Variants in SPTAN1 observed in about 807,000 individuals in gnomAD.
SPTAN1 encodes spectrin alpha, non-erythrocytic 1.
SPTAN1 carries 61 observed loss-of-function variants against 331.3 expected under a neutral mutation model. The ratio of observed to expected loss-of-function variants is 0.18; its 90% CI spans 0.15 to 0.23. The LOEUF (loss-of-function observed/expected upper bound fraction) is 0.23. Among genes scored for constraint, SPTAN1 ranks in the 10% least tolerant of loss-of-function variants. SPTAN1 has a pLI of 1.00. For missense variants in SPTAN1, 2,043 were observed against 3,147.9 expected, an observed-to-expected ratio of 0.65 and a Z score of 8.40; for synonymous variants, 1,153 against 1,173.9, an observed-to-expected ratio of 0.98 and a Z score of 0.36.
chr9:128,597,279 A>G (rs2131413353), intron 24 of SPTAN1, among the ~76,000 whole-genome samples: 1 of 152,236 alleles, frequency 6.6e-6, no homozygotes. Context: ...CCTGGGATTA[A>G]AGGTGTGAGC....
Position 128,575,367 on chromosome 9 carries a change from G to C in SPTAN1, c.651+22G>C, listed in dbSNP as rs752674281. On this transcript the variant is annotated intron_variant, in intron 5 of 56. Transcript: ENST00000372739. ...ACAGGTAAATAGCAAAGTGCTGTAT[G>C]CTTCTCACAACATTATTATGTTAAC... The C allele has an allele frequency of 5.0e-6, 8 of 1,607,378 alleles. No homozygotes were observed. In the African/African-American group the frequency reaches 1.1e-4, roughly 21 times the overall value.
At position 128,627,750 on chromosome 9, in the gene SPTAN1, G is replaced by A. The variant is rs569371380; in HGVS notation, c.6690-175G>A. On this transcript the variant is annotated intron_variant, in intron 50 of 56. Coordinates refer to ENST00000372739, the MANE Select transcript of SPTAN1 (RefSeq NM_001130438.3). This position sits in a 1 kb window ranked among gnomAD's most constrained non-coding sequence, Gnocchi z 4.9. ...CGGATTGAGTGGGACCATGCAGGGC[G>A]CGTGGTCAGCCCCAGCCATGACTTG... The A allele has an allele frequency of 5.2e-5, 45 of 868,468 alleles. No individual in the cohort carries two copies. Among genetic ancestry groups the A allele is most frequent in the South Asian group, 4.7e-4 (34 of 72,688 alleles). 53.8% of individuals were successfully genotyped at this position (868,468 alleles called of 1,614,324 possible).
intron 34 of SPTAN1, 102 bp downstream of exon 34, chr9:128,608,378 T>C: frequency 7.0e-7 from 1 of 1,424,830 alleles, no homozygotes; most frequent in Non-Finnish European, 9.7e-7. Flanking sequence ...AATACCTGCG[T>C]TGTCTAAGAA....
At position 128,602,189 on chromosome 9, in the gene SPTAN1, G is replaced by GT. The variant is rs1257030587; in HGVS notation, c.3580-1343dup. 4.3e-3 allele frequency among the ~76,000 whole-genome samples: 563 copies of GT among 131,410 alleles called. 2 individuals are homozygous for GT. Among genetic ancestry groups the GT allele is most frequent in the Middle Eastern group, 8.1e-3 (2 of 246 alleles). The allele number at this position is 131,410 out of a possible 152,430, so 86.2% of individuals were successfully genotyped here. A position where few individuals can be genotyped will look rare whatever the true frequency, so the allele number is the denominator to read the frequency against. On this transcript the variant is annotated intron_variant, in intron 27 of 56. Coordinates refer to ENST00000372739, the MANE Select transcript of SPTAN1 (RefSeq NM_001130438.3). Reference sequence around the variant, plus strand: ...CCAAGCTCAGCCCTCCTGCCCTCCTGTTTTTTTTTTTGTTTTTTTTGGGTT... The same window carrying GT: ...CCAAGCTCAGCCCTCCTGCCCTCCTGTTTTTTTTTTTTGTTTTTTTTGGGTT...
chr9:128,611,707 T>C lies in SPTAN1; in HGVS notation c.4774-7T>C. ...TGGTTTGGAAAAAATTTTTTTGGTA[T>C]TTTTAGAGCAAGCACCAGAAGCACC... is the stretch of plus-strand genomic sequence containing the variant. On this transcript the variant is annotated splice_polypyrimidine_tract_variant and splice_region_variant and intron_variant, in intron 37 of 56. Coordinates refer to ENST00000372739, the MANE Select transcript of SPTAN1 (RefSeq NM_001130438.3). 1.2e-6 allele frequency: 2 copies of C among 1,613,954 alleles called. No homozygotes were observed. Among genetic ancestry groups the C allele is most frequent in the Non-Finnish European group, 1.7e-6 (2 of 1,180,016 alleles).
Position 128,615,711 on chromosome 9 carries a change from A to G in SPTAN1, c.5228A>G (p.Lys1743Arg). 1.2e-6 allele frequency: 2 copies of G among 1,614,222 alleles called. No homozygotes were observed. Among genetic ancestry groups the G allele is most frequent in the Non-Finnish European group, 1.7e-6 (2 of 1,180,040 alleles). The change falls in exon 41 of 57, where the codon AAG becomes AGG. Residue 1743 changes from lysine to arginine, a missense_variant. This residue lies in a region of SPTAN1 where 323 missense variants were observed against 581.1 expected (regional missense o/e 0.56). Coordinates refer to ENST00000372739, the MANE Select transcript of SPTAN1 (RefSeq NM_001130438.3). Reference protein sequence around the residue: ...SAFDTSQVKDKRDTINGRFQK... With the variant: ...SAFDTSQVKDRRDTINGRFQK... ...TTCGACACCTCCCAAGTAAAGGACA[A>G]GAGGGACACCATCAACGGGCGCTTC... is the stretch of plus-strand genomic sequence containing the variant.
At chr9:128,621,096 G>A (rs907557365) in intron 44 of SPTAN1, 62 bp from the exon 45 acceptor site, 16 of 1,473,736 alleles carry the variant, frequency 1.1e-5, no homozygotes, top group Middle Eastern at 1.8e-4. Context: ...CTCTGTCCCC[G>A]GGGCCTAGCC....
chr9:128,613,651 G>A (rs970180573), intron 40 of SPTAN1, among the ~76,000 whole-genome samples, 166 bp downstream of exon 40: 1 of 152,160 alleles, frequency 6.6e-6, no homozygotes, highest in Non-Finnish European at 1.5e-5. Flanking sequence ...AGTTATTGAG[G>A]GCTCTTGAGA....
chr9:128,628,889 C>T (rs966359894), intron 51 of SPTAN1: 7 of 367,070 alleles, frequency 1.9e-5, no homozygotes, highest in Non-Finnish European at 3.4e-5. Flanking sequence ...CTCTTGTCTC[C>T]GTGAGGTGCC....
rs1851874223 is a variant in SPTAN1 at position 128,580,993 on chromosome 9, G to A, written c.1395G>A (p.Gln465=). 1 of 1,613,966 alleles carries A rather than the reference G, an allele frequency of 6.2e-7. No homozygotes were observed. Among genetic ancestry groups the A allele is most frequent in the African/African-American group, 1.3e-5 (1 of 74,944 alleles). Residue 465 remains glutamine, a synonymous_variant, in exon 11 of 57, where the codon CAG becomes CAA. Transcript: ENST00000372739. ...AGCTGCGCAGGCAGCAGTACGAGCA[G>A]TGCATGGACCTGCAGCTCTTCTACC... is the stretch of plus-strand genomic sequence containing the variant. ...LWELRRQQYE[Q]CMDLQLFYRD... is the part of the protein sequence containing the mutation.
intron 3 of SPTAN1, among the ~76,000 whole-genome samples, chr9:128,572,086 C>T (rs544055404): frequency 7.8e-4 from 119 of 152,250 alleles, no homozygotes; most frequent in African/African-American, 2.8e-3. Flanking sequence ...TCTTGAACTC[C>T]GGAGCTCAAG....
At chr9:128,630,947 G>C (rs1026374765) in intron 52 of SPTAN1, among the ~76,000 whole-genome samples, 15 of 152,084 alleles carry the variant, frequency 9.9e-5, no homozygotes, top group Admixed American at 8.5e-4. Context: ...GACCTCGGCT[G>C]ATCTGCCCGC....
At position 128,627,591 on chromosome 9, in the gene SPTAN1, G is replaced by A. The variant is rs1858958433; in HGVS notation, c.6689+93G>A. ...AGCCCCAAGGAGGTGGTGGTGCTTT[G>A]TGTAAAACCAGAGGCAGCCTGGGAA... On this transcript the variant is annotated intron_variant, in intron 50 of 56. Transcript: ENST00000372739. The surrounding 1 kb of genome is among the most constrained non-coding windows in gnomAD (Gnocchi z 4.9). 1.6e-6 allele frequency: 2 copies of A among 1,250,434 alleles called. No homozygotes were observed. The highest frequency in any genetic ancestry group is 1.1e-6 in the Non-Finnish European group (1 of 874,194). The allele number at this position is 1,250,434 out of a possible 1,614,324, so 77.5% of individuals were successfully genotyped here.
intron 22 of SPTAN1, among the ~76,000 whole-genome samples, chr9:128,592,763 G>A (rs566665608): frequency 2.8e-4 from 42 of 152,246 alleles, no homozygotes; most frequent in Non-Finnish European, 8.8e-5. Flanking sequence ...TGGCAGACCC[G>A]CCAGGAAAAT....
chr9:128,587,459 A>T, intron 19 of SPTAN1, 147 bp from the exon 20 acceptor site: 4 of 710,238 alleles, frequency 5.6e-6, no homozygotes, highest in Non-Finnish European at 1.0e-5. Context: ...TTTGAAAATG[A>T]TATTAGCACT....
chr9:128,555,353 C>A (rs1007180674), intron 1 of SPTAN1: 1 of 1,289,350 alleles, frequency 7.8e-7, no homozygotes, highest in Non-Finnish European at 1.0e-6. Context: ...CTTTAGACTC[C>A]ACATTCCTCC....
At chr9:128,583,376 G>GA in intron 15 of SPTAN1, 95 bp downstream of exon 15, 1 of 1,273,530 alleles carries the variant, frequency 7.9e-7, no homozygotes, top group Non-Finnish European at 1.1e-6. Flanking sequence ...CCCCAAGAAA[G>GA]GTGAGGTGGA....
intron 45 of SPTAN1, among the ~76,000 whole-genome samples, chr9:128,623,030 C>T (rs556775430): frequency 4.0e-5 from 6 of 151,812 alleles, no homozygotes; most frequent in Admixed American, 2.6e-4. Flanking sequence ...GGATTACAGG[C>T]GTGAGCTACT....
At chr9:128,560,091 T>TTTC (rs1170124056) in intron 1 of SPTAN1, among the ~76,000 whole-genome samples, 1 of 149,660 alleles carries the variant, frequency 6.7e-6, no homozygotes, top group African/African-American at 2.5e-5. Context: ...CACCTTTTTT[T>TTTC]TTTTTTTTAA....
Sources: gnomAD v4.1 joint callset for allele counts (sites outside exome capture counted in the v4.1 genomes callset) on GRCh38, gnomAD v4.1.1 for gene constraint, gnomAD v4.1.1 regional missense constraint, Gnocchi (gnomAD v3.1) non-coding constraint, MANE v1.5 for transcripts, NCBI Gene and HGNC (gene_info 2026-07-23, HGNC 2026-07-21) for gene names.